BEND3: variants seen among roughly 807,000 people sequenced by gnomAD.
BEND3 encodes BEN domain-containing protein 3.
In BEND3, 13 loss-of-function variants were observed where a neutral mutation model predicts 60.1. The ratio of observed to expected loss-of-function variants is 0.22; its 90% CI spans 0.14 to 0.34. The LOEUF (loss-of-function observed/expected upper bound fraction) is 0.34. BEND3 is among the 10% of genes least tolerant of loss of function. The pLI, the probability that BEND3 is intolerant of heterozygous loss-of-function variation, is 1.00. For synonymous variants in BEND3, 497 were observed against 491.5 expected (o/e 1.01, Z -0.15); for missense variants, 896 against 1,138.1 (o/e 0.79, Z 3.06).
rs1167221597 is a variant in BEND3, at chr6:107,067,552, G to A, written c.*1152C>T. 5 of 152,230 alleles carry A rather than the reference G, an allele frequency of 3.3e-5. No individual in the cohort carries two copies. The highest frequency in any genetic ancestry group is 6.5e-5 in the Admixed American group (1 of 15,280). The allele number at this position is 152,230 out of a possible 1,614,324, so 9.4% of individuals were successfully genotyped here. ...CTAGAGAGTCCAAGAGGAAAGTTCTGAGTGGACCCTGGGAAGGGACATGTG... is the reference window on the plus strand; with the variant it reads ...CTAGAGAGTCCAAGAGGAAAGTTCTAAGTGGACCCTGGGAAGGGACATGTG... On this transcript the variant is annotated 3_prime_UTR_variant, in exon 4 of 4. Transcript: ENST00000369042.
chr6:107,099,348 T>C (rs1775658428), intron 1 of BEND3, 52 bp from the exon 2 acceptor site: 5 of 1,508,826 alleles, frequency 3.3e-6, no homozygotes, highest in Non-Finnish European at 4.6e-6. Flanking sequence ...ATTTATTTCT[T>C]AATTTTCTCT....
At chr6:107,083,022 G>A (rs556984602) in intron 3 of BEND3, among the ~76,000 whole-genome samples, 148 of 152,294 alleles carry the variant, frequency 9.7e-4, no homozygotes, top group Middle Eastern at 3.4e-3. Flanking sequence ...CAGTCACTGG[G>A]TTGATGTATG....
At chr6:107,074,275 T>C (rs1199052571) in intron 3 of BEND3, among the ~76,000 whole-genome samples, 1 of 151,656 alleles carries the variant, frequency 6.6e-6, no homozygotes, top group African/African-American at 2.4e-5. Flanking sequence ...ATTAGTTGGG[T>C]GTGGTGGCGC....
intron 3 of BEND3, among the ~76,000 whole-genome samples, chr6:107,087,919 C>A (rs1230505425): frequency 6.9e-6 from 1 of 145,860 alleles, no homozygotes; most frequent in Non-Finnish European, 1.5e-5. Context: ...ACATGAGTCA[C>A]CACACTTGAC....
intron 3 of BEND3, among the ~76,000 whole-genome samples, chr6:107,084,135 C>T (rs1269438637): frequency 3.3e-5 from 5 of 152,218 alleles, no homozygotes; most frequent in African/African-American, 7.2e-5. Flanking sequence ...CCAGACTTGG[C>T]GAAACAGACG....
Position 107,079,482 on chromosome 6 carries a change from T to C in BEND3, c.241-8532A>G, listed in dbSNP as rs1205475238. The stretch of plus-strand genomic sequence containing the variant: ...AAAACTAAAAAGGCACCCTGTAACA[T>C]ATGCCCACTGGGGCTTCAGGAGCTG... On this transcript the variant is annotated intron_variant, in intron 3 of 3. Transcript: ENST00000369042. 3.3e-5 allele frequency among the ~76,000 whole-genome samples: 5 copies of C among 152,272 alleles called. No homozygotes were observed. In the East Asian group the frequency reaches 7.7e-4, roughly 23 times the overall value.
rs1582682782 is a variant in BEND3, at chr6:107,115,174, T to C, written c.-96A>G. ...GGGGGGAGGGCGCGGGGCCGGGGAG[T>C]GGGGGCCGCGCGCGGAGGGCCTGGC... On this transcript the variant is annotated 5_prime_UTR_variant, in exon 1 of 4. Transcript: ENST00000369042. 1 of 143,452 alleles carries C rather than the reference T, an allele frequency of 7.0e-6. No individual in the cohort carries two copies. The highest frequency in any genetic ancestry group is 1.5e-5 in the Non-Finnish European group (1 of 65,358). 8.9% of individuals were successfully genotyped at this position (143,452 alleles called of 1,614,324 possible).
intron 1 of BEND3, among the ~76,000 whole-genome samples, chr6:107,101,872 C>T (rs1225335293): frequency 2.0e-5 from 3 of 152,150 alleles, no homozygotes; most frequent in Admixed American, 6.5e-5. Context: ...CTGCCATGGT[C>T]ACATAACCCA....
chr6:107,068,743 T>C lies in BEND3; in HGVS notation c.2448A>G (p.Lys816=), dbSNP rs1238947363. 1.2e-6 allele frequency: 2 copies of C among 1,613,710 alleles called. No individual in the cohort carries two copies. Among genetic ancestry groups the C allele is most frequent in the African/African-American group, 2.7e-5 (2 of 74,934 alleles). Residue 816 remains lysine (K), a synonymous_variant, in exon 4 of 4, where the codon AAA becomes AAG. Coordinates refer to ENST00000369042, the MANE Select transcript of BEND3 (RefSeq NM_001367314.1). The surrounding 1 kb of genome is among the most constrained non-coding windows in gnomAD (Gnocchi z 5.8). ...TCTTTGCTTTCTTGAGGATGTCGCA[T>C]TTTTTCCTGTTGGGGCGGCGGCACC... ...DERCRRPNRK[K]CDILKKAKKV... is the part of the protein sequence containing the mutation.
intron 1 of BEND3, among the ~76,000 whole-genome samples, chr6:107,108,570 G>C (rs1439042087): frequency 6.6e-6 from 1 of 152,086 alleles, no homozygotes; most frequent in Non-Finnish European, 1.5e-5. Flanking sequence ...ATTAGGGTTC[G>C]GGGCAGTTGG....
At position 107,070,105 on chromosome 6, in the gene BEND3, C is replaced by A. The variant is rs781834386; in HGVS notation, c.1086G>T (p.Gln362His). The A allele has an allele frequency of 3.7e-6, 6 of 1,613,306 alleles. No homozygotes were observed. In the African/African-American group the frequency reaches 8.0e-5, roughly 22 times the overall value. ...TGTCCAGGAAGTGGCCGGGGTCCAC[C>A]TGCTCTGCCTCAAAGAAGCTGGCGA... is the stretch of plus-strand genomic sequence containing the variant. ...GQVASFFEAE[Q>H]VDPGHFLDNK... Residue 362 changes from glutamine to histidine, a missense_variant, in exon 4 of 4, where the codon CAG becomes CAT. By Grantham distance (24) the Gln-to-His change is conservative. This residue lies in a region of BEND3 where 846 missense variants were observed against 1,036.7 expected (regional missense o/e 0.82). Coordinates refer to ENST00000369042, the MANE Select transcript of BEND3 (RefSeq NM_001367314.1). The surrounding 1 kb of genome is among the most constrained non-coding windows in gnomAD (Gnocchi z 6.9).
At chr6:107,104,325 A>G (rs1456576982) in intron 1 of BEND3, among the ~76,000 whole-genome samples, 3 of 151,978 alleles carry the variant, frequency 2.0e-5, no homozygotes, top group Non-Finnish European at 4.4e-5. Context: ...ACCACATCAC[A>G]AAGAGATAGG....
chr6:107,098,641 G>A lies in BEND3; in HGVS notation c.150C>T (p.Ala50=), dbSNP rs1775639289. ...GCTTTCGTTTGCTGGAGTCCTGCAG[G>A]GCAGTGAGGACGCTGTCCACAGAGT... ...EKHSVDSVLT[A]LQDSSKRKQL... The change falls in exon 3 of 4, where the codon GCC becomes GCT. Residue 50 remains alanine, a synonymous_variant. Transcript: ENST00000369042. 6.2e-7 allele frequency: 1 copy of A among 1,613,996 alleles called. No individual in the cohort carries two copies. Among genetic ancestry groups the A allele is most frequent in the Non-Finnish European group, 8.5e-7 (1 of 1,180,040 alleles).
At chr6:107,091,316 GA>G (rs1775470816) in intron 3 of BEND3, among the ~76,000 whole-genome samples, 2 of 151,924 alleles carry the variant, frequency 1.3e-5, no homozygotes, top group Admixed American at 1.3e-4. Flanking sequence ...AATTAGTGTA[GA>G]AATCAATGAA....
At chr6:107,075,533 C>T (rs1554232668) in intron 3 of BEND3, among the ~76,000 whole-genome samples, 1 of 152,118 alleles carries the variant, frequency 6.6e-6, no homozygotes, top group African/African-American at 2.4e-5. Flanking sequence ...AGTTCTATTA[C>T]ACTAAAATAA....
In BEND3 at chr6:107,070,868, A is replaced by T; in HGVS notation, c.323T>A (p.Leu108Gln). 2 of 1,613,918 alleles carry T rather than the reference A, an allele frequency of 1.2e-6. No homozygotes were observed. Among genetic ancestry groups the T allele is most frequent in the Non-Finnish European group, 1.7e-6 (2 of 1,180,026 alleles). ...CTCCTCTCCAGGCCACACATTGCCC[A>T]GGCTCCTGCCCCTGCCGGCCTGCTC... ...NGEQAGRGRS[L>Q]GNVWPGEEEP... Residue 108 changes from leucine (L) to glutamine (Q), a missense_variant, in exon 4 of 4, where the codon CTG becomes CAG. By Grantham distance (113) the Leu-to-Gln change is moderately radical. Coordinates refer to ENST00000369042, the MANE Select transcript of BEND3 (RefSeq NM_001367314.1). This position sits in a 1 kb window ranked among gnomAD's most constrained non-coding sequence, Gnocchi z 6.9.
intron 1 of BEND3, chr6:107,114,251 C>A (rs188841112): frequency 1.3e-5 from 2 of 152,320 alleles, no homozygotes; most frequent in African/African-American, 4.8e-5. Flanking sequence ...AGGAAAGGAG[C>A]GCTCACGAGG....
chr6:107,112,943 G>A (rs1582679683), intron 1 of BEND3, among the ~76,000 whole-genome samples: 1 of 151,646 alleles, frequency 6.6e-6, no homozygotes. Flanking sequence ...CGGATCATGA[G>A]GTCAGGAGAT....
intron 3 of BEND3, among the ~76,000 whole-genome samples, chr6:107,079,244 C>T (rs1225557387): frequency 1.3e-5 from 2 of 152,204 alleles, no homozygotes; most frequent in Non-Finnish European, 1.5e-5. Context: ...AGCAGCCCAA[C>T]TCCAGGGGAA....
Sources: gnomAD v4.1 joint callset for allele counts (sites outside exome capture counted in the v4.1 genomes callset) on GRCh38, gnomAD v4.1.1 for gene constraint, gnomAD v4.1.1 regional missense constraint, Gnocchi (gnomAD v3.1) non-coding constraint, MANE v1.5 for transcripts, NCBI Gene and HGNC (gene_info 2026-07-23, HGNC 2026-07-21) for gene names.